Variants in MMP16 observed in about 807,000 individuals in gnomAD.
MMP16 encodes matrix metallopeptidase 16, also known as matrix metalloproteinase-16.
MMP16 carries 12 observed loss-of-function variants against 67.8 expected under a neutral mutation model. The ratio of observed to expected loss-of-function variants is 0.18; its 90% confidence interval spans 0.11 to 0.29. The LOEUF (loss-of-function observed/expected upper bound fraction) is 0.29. MMP16 is among the 10% of genes least tolerant of loss of function. The pLI is 1.00. For missense variants in MMP16, 475 were observed against 765.7 expected (o/e 0.62, Z 4.48); for synonymous variants, 249 against 255.9 (o/e 0.97, Z 0.26).
At chr8:88,149,571 T>A (rs1381350447) in intron 4 of MMP16, among the ~76,000 whole-genome samples, 3 of 151,992 alleles carry the variant, frequency 2.0e-5, no homozygotes, top group Non-Finnish European at 4.4e-5. Flanking sequence ...CCGAGCAGCC[T>A]AACTGGGAGG....
At chr8:88,251,376 A>G (rs1209549354) in intron 1 of MMP16, among the ~76,000 whole-genome samples, 3 of 150,738 alleles carry the variant, frequency 2.0e-5, no homozygotes, top group Non-Finnish European at 4.4e-5. Context: ...AAACCTGAGA[A>G]AAACAAGCAA....
intron 2 of MMP16, among the ~76,000 whole-genome samples, chr8:88,192,112 T>C (rs1344341437): frequency 6.6e-6 from 1 of 152,218 alleles, no homozygotes; most frequent in Non-Finnish European, 1.5e-5. Context: ...CAAAAGATCC[T>C]TCCAGAAATT....
At chr8:88,253,813 A>G (rs769708584) in intron 1 of MMP16, among the ~76,000 whole-genome samples, 17 of 152,082 alleles carry the variant, frequency 1.1e-4, no homozygotes, top group Non-Finnish European at 1.9e-4. Flanking sequence ...AATCATTTTA[A>G]TGCAAACTAA....
intron 1 of MMP16, among the ~76,000 whole-genome samples, chr8:88,281,809 C>A (rs1441814742): frequency 6.6e-6 from 1 of 152,136 alleles, no homozygotes; most frequent in Non-Finnish European, 1.5e-5. Context: ...CTAGGAAATT[C>A]TCTTTGCCTC....
chr8:88,175,150 G>A (rs538815882), intron 3 of MMP16, among the ~76,000 whole-genome samples: 1 of 152,148 alleles, frequency 6.6e-6, no homozygotes, highest in African/African-American at 2.4e-5. Context: ...AGGCTTGGCC[G>A]AAAAAACCAA....
intron 4 of MMP16, among the ~76,000 whole-genome samples, chr8:88,125,544 G>A (rs1239888255): frequency 1.3e-5 from 2 of 151,842 alleles, no homozygotes; most frequent in East Asian, 3.9e-4. Flanking sequence ...CTACGTATAC[G>A]TTAGTCAGGT....
intron 1 of MMP16, among the ~76,000 whole-genome samples, chr8:88,227,850 C>A (rs1809794742): frequency 6.6e-6 from 1 of 151,810 alleles, no homozygotes; most frequent in South Asian, 2.1e-4. Flanking sequence ...TCTGAAGAGC[C>A]CATTCCCTAA....
At chr8:88,171,854 T>A (rs1333723125) in intron 3 of MMP16, among the ~76,000 whole-genome samples, 1 of 149,794 alleles carries the variant, frequency 6.7e-6, no homozygotes, top group Non-Finnish European at 1.5e-5. Flanking sequence ...TGAGACGGAG[T>A]CTCATTCTGT....
chr8:88,197,569 G>T (rs552670394), intron 1 of MMP16, among the ~76,000 whole-genome samples: 5 of 152,208 alleles, frequency 3.3e-5, no homozygotes, highest in Non-Finnish European at 7.4e-5. Context: ...AGCTTATAAT[G>T]TATAACGTAC....
intron 6 of MMP16, 73 bp from the exon 7 acceptor site, chr8:88,074,816 C>A: frequency 6.6e-7 from 1 of 1,518,100 alleles, no homozygotes; most frequent in South Asian, 1.2e-5. Flanking sequence ...AATGGCTGGA[C>A]GCTTTTGAAA....
intron 1 of MMP16, among the ~76,000 whole-genome samples, chr8:88,209,485 C>G (rs1809480333): frequency 6.6e-6 from 1 of 152,052 alleles, no homozygotes; most frequent in Non-Finnish European, 1.5e-5. Flanking sequence ...GACTTCTGGT[C>G]AACAGGAGGC....
At chr8:88,051,469 A>C (rs1182204581) in intron 8 of MMP16, among the ~76,000 whole-genome samples, 1 of 152,172 alleles carries the variant, frequency 6.6e-6, no homozygotes, top group Non-Finnish European at 1.5e-5. Flanking sequence ...AGTTATCTCT[A>C]CTGTAAAATT....
At chr8:88,234,906 A>G (rs1305567611) in intron 1 of MMP16, among the ~76,000 whole-genome samples, 1 of 152,200 alleles carries the variant, frequency 6.6e-6, no homozygotes, top group South Asian at 2.1e-4. Context: ...GGGTAAATGT[A>G]TTTTACTCAA....
At chr8:88,229,049 T>C (rs1359440174) in intron 1 of MMP16, among the ~76,000 whole-genome samples, 1 of 151,822 alleles carries the variant, frequency 6.6e-6, no homozygotes, top group Non-Finnish European at 1.5e-5. Context: ...TAGTACCAGC[T>C]ACTCATGAGA....
chr8:88,178,438 A>G (rs574408525), intron 3 of MMP16, among the ~76,000 whole-genome samples: 2 of 152,352 alleles, frequency 1.3e-5, no homozygotes, highest in Non-Finnish European at 2.9e-5. Context: ...TAAACATGGC[A>G]AAGGAAATAT....
intron 6 of MMP16, among the ~76,000 whole-genome samples, chr8:88,089,196 T>G (rs1808892348): frequency 6.6e-6 from 1 of 151,982 alleles, no homozygotes; most frequent in South Asian, 2.1e-4. Flanking sequence ...AAGAATAACT[T>G]GAGAAGCCTT....
intron 1 of MMP16, among the ~76,000 whole-genome samples, chr8:88,222,913 A>G (rs1185143597): frequency 1.3e-5 from 2 of 152,040 alleles, no homozygotes; most frequent in African/African-American, 2.4e-5. Flanking sequence ...CAGGCAACCT[A>G]CAGAATGGGA....
chr8:88,224,623 T>C (rs1809739097), intron 1 of MMP16, among the ~76,000 whole-genome samples: 1 of 152,020 alleles, frequency 6.6e-6, no homozygotes. Context: ...GAAACAAGAA[T>C]ATACAAATTC....
chr8:88,152,333 A>G (rs1216378899), intron 4 of MMP16, among the ~76,000 whole-genome samples: 1 of 126,174 alleles, frequency 7.9e-6, no homozygotes, highest in Non-Finnish European at 1.6e-5. Context: ...CAATCAATAG[A>G]AAAAGAGGGA....
Sources: allele counts gnomAD v4.1 joint callset (sites outside exome capture counted in the v4.1 genomes callset), GRCh38; gene constraint gnomAD v4.1.1; transcripts MANE v1.5; gene names NCBI Gene and HGNC (gene_info 2026-07-23, HGNC 2026-07-21).